The following HS6ST2 variants were observed in gnomAD, a reference collection of about 807,000 sequenced individuals.
HS6ST2 encodes the protein heparan sulfate 6-O-sulfotransferase 2, also known as heparan-sulfate 6-O-sulfotransferase 2.
A neutral mutation model predicts 33.0 loss-of-function variants in HS6ST2; 17 were observed. That is an observed-to-expected ratio of 0.52 (90% CI 0.35 to 0.77). The LOEUF (loss-of-function observed/expected upper bound fraction) is 0.77, where lower values mean the gene tolerates loss of function less well. HS6ST2 is among the 30% of genes least tolerant of loss of function. The pLI is 0.01. For missense variants in HS6ST2, 519 were observed against 551.7 expected (o/e 0.94, Z 0.59); for synonymous variants, 248 against 237.1 (o/e 1.05, Z -0.42).
intron 2 of HS6ST2, among the ~76,000 whole-genome samples, chrX:132,845,146 C>T (rs1027707325): frequency 2.2e-4 from 24 of 108,325 alleles, no homozygotes; most frequent in Non-Finnish European, 5.7e-5. Context: ...ATACATTATA[C>T]ATATTGTGTA....
chrX:132,927,673 G>A (rs906204793), intron 2 of HS6ST2, among the ~76,000 whole-genome samples: 2 of 110,604 alleles, frequency 1.8e-5, no homozygotes, highest in African/African-American at 6.6e-5. Flanking sequence ...AGACCAGCCC[G>A]AGCAACATGG....
Position 132,628,501 on chromosome X carries a change from G to A in HS6ST2, c.1660C>T (p.Arg554Cys), listed in dbSNP as rs776514830. The change falls in exon 5 of 5, where the codon CGT becomes TGT. Residue 554 changes from arginine to cysteine, a missense_variant. Arg to Cys is a radical substitution (Grantham distance 180). Transcript: ENST00000370833. ...TTCAGAAATTTGCGTTGTTCCTGAC[G>A]CTTTCGCCTGGCCTCCTGATGCTCT... is the stretch of plus-strand genomic sequence containing the variant. ...QKEHQEARRK[R>C]QEQRKFLKGR... 9.1e-6 allele frequency: 11 copies of A among 1,208,892 alleles called. No homozygotes were observed. The highest frequency in any genetic ancestry group is 2.3e-4 in the Middle Eastern group (1 of 4,375).
In HS6ST2 at chrX:132,938,454, A is replaced by C. The variant is rs192155205; in HGVS notation, c.947+18354T>G. ...CCAGGAGTCCAAGACCAGCCTGGGC[A>C]ACATAGCAAGACCCCATCTCTACAC... On this transcript the variant is annotated intron_variant, in intron 2 of 4. Transcript: ENST00000370833. Among the ~76,000 whole-genome samples, 7 of 110,023 alleles carry C rather than the reference A, an allele frequency of 6.4e-5. No homozygotes were observed. The East Asian group carries it at 2.0e-3, about 32-fold the overall frequency.
chrX:132,811,275 C>T (rs1441250675), intron 2 of HS6ST2, among the ~76,000 whole-genome samples: 1 of 111,031 alleles, frequency 9.0e-6, no homozygotes, highest in Admixed American at 9.7e-5. Flanking sequence ...AGAGCCACTA[C>T]TCTAGGTTAC....
At chrX:132,756,778 GCT>G (rs2064759202) in intron 2 of HS6ST2, among the ~76,000 whole-genome samples, 1 of 107,047 alleles carries the variant, frequency 9.3e-6, no homozygotes, top group Admixed American at 1.0e-4. Context: ...TCTTCAAGTG[GCT>G]CTCTCTCACA....
chrX:132,842,107 G>A (rs961759577), intron 2 of HS6ST2, among the ~76,000 whole-genome samples: 1 of 111,597 alleles, frequency 9.0e-6, no homozygotes, highest in Admixed American at 9.5e-5. Context: ...GAGATAATTC[G>A]GTCACTACAT....
intron 2 of HS6ST2, among the ~76,000 whole-genome samples, chrX:132,732,918 A>G (rs1377974456): frequency 1.8e-5 from 2 of 111,787 alleles, no homozygotes; most frequent in Non-Finnish European, 3.8e-5. Flanking sequence ...GAGATCTCTG[A>G]AGTTCTTTCA....
In HS6ST2 at chrX:132,877,689, T is replaced by C. The variant is rs746035042; in HGVS notation, c.947+79119A>G. On this transcript the variant is annotated intron_variant, in intron 2 of 4. Coordinates refer to ENST00000370833, the MANE Select transcript of HS6ST2 (RefSeq NM_001394073.1). ...GTGCCAAGAACTATGTAAGACACTG[T>C]AGGATCGAATCCAAACTGTGTACTT... Among the ~76,000 whole-genome samples the C allele has an allele frequency of 5.4e-5, 6 of 111,481 alleles. No individual in the cohort carries two copies. In the East Asian group the frequency reaches 1.4e-3, roughly 27 times the overall value.
At position 132,958,497 on chromosome X, in the gene HS6ST2, C is replaced by T. The variant is rs1342347157; in HGVS notation, c.106G>A (p.Ala36Thr). 1 of 1,196,574 alleles carries T rather than the reference C, an allele frequency of 8.4e-7. No individual in the cohort carries two copies. The highest frequency in any genetic ancestry group is 1.1e-6 in the Non-Finnish European group (1 of 889,108). The change falls in exon 1 of 5, where the codon GCC (alanine) becomes ACC (threonine). Residue 36 changes from alanine to threonine, a missense_variant. Ala to Thr is a moderately conservative substitution (Grantham distance 58). Transcript: ENST00000370833. ...TCPRRHSRVE[A>T]ELAASRPGSV... is the part of the protein sequence containing the mutation. ...CCGGGCCGGCTCGCTGCCAATTCGG[C>T]CTCTACTCTGGAATGCCGGCGGGGA...
chrX:132,757,985 A>G (rs764020597), intron 2 of HS6ST2, among the ~76,000 whole-genome samples: 1 of 112,111 alleles, frequency 8.9e-6, no homozygotes, highest in South Asian at 3.7e-4. Flanking sequence ...AGGAGGCAAA[A>G]TTCATTCTTC....
At chrX:132,735,616 G>C (rs1312889998) in intron 2 of HS6ST2, among the ~76,000 whole-genome samples, 1 of 111,434 alleles carries the variant, frequency 9.0e-6, no homozygotes, top group Non-Finnish European at 1.9e-5. Flanking sequence ...AGCTTAAACA[G>C]GAAGGCTGGT....
At chrX:132,887,972 C>G (rs1415455110) in intron 2 of HS6ST2, among the ~76,000 whole-genome samples, 1 of 111,844 alleles carries the variant, frequency 8.9e-6, no homozygotes, top group Non-Finnish European at 1.9e-5. Context: ...AAGTGGTTCA[C>G]TCAGTGGTTG....
chrX:132,936,364 G>A (rs916438709), intron 2 of HS6ST2, among the ~76,000 whole-genome samples: 6 of 109,314 alleles, frequency 5.5e-5, no homozygotes, highest in Non-Finnish European at 1.9e-5. Flanking sequence ...AAAAGCCCAG[G>A]CCCATATGTT....
At chrX:132,657,021 C>T (rs993667137) in intron 4 of HS6ST2, among the ~76,000 whole-genome samples, 1 of 111,399 alleles carries the variant, frequency 9.0e-6, no homozygotes, top group Non-Finnish European at 1.9e-5. Flanking sequence ...TTTTCATCTG[C>T]TAGAAGCCAG....
At chrX:132,639,159 T>C (rs944598842) in intron 4 of HS6ST2, among the ~76,000 whole-genome samples, 1 of 112,500 alleles carries the variant, frequency 8.9e-6, no homozygotes, top group Non-Finnish European at 1.9e-5. Flanking sequence ...CAATGAGTCC[T>C]GGTGATATTT....
intron 2 of HS6ST2, among the ~76,000 whole-genome samples, chrX:132,924,283 A>G (rs977610381): frequency 8.9e-6 from 1 of 111,981 alleles, no homozygotes; most frequent in Non-Finnish European, 1.9e-5. Context: ...ATTTCGTGCT[A>G]AAGGGAAGAG....
At chrX:132,912,163 A>T (rs2066542668) in intron 2 of HS6ST2, among the ~76,000 whole-genome samples, 1 of 112,480 alleles carries the variant, frequency 8.9e-6, no homozygotes, top group South Asian at 3.6e-4. Context: ...GCAAACACTA[A>T]ATTGAAAATT....
chrX:132,736,135 G>A (rs1001718547), intron 2 of HS6ST2, among the ~76,000 whole-genome samples: 4 of 111,472 alleles, frequency 3.6e-5, no homozygotes, highest in African/African-American at 6.5e-5. Flanking sequence ...GTGAGCTACC[G>A]TGCCCGGACA....
At chrX:132,797,193 A>C (rs1203556040) in intron 2 of HS6ST2, among the ~76,000 whole-genome samples, 1 of 111,630 alleles carries the variant, frequency 9.0e-6, no homozygotes, top group Non-Finnish European at 1.9e-5. Flanking sequence ...ACAAAGATTC[A>C]ATTAATCTGC....
Sources: gnomAD v4.1 joint callset for allele counts (sites outside exome capture counted in the v4.1 genomes callset) on GRCh38, gnomAD v4.1.1 for gene constraint, MANE v1.5 for transcripts, NCBI Gene and HGNC (gene_info 2026-07-23, HGNC 2026-07-21) for gene names.